KAZN: variants seen among roughly 807,000 people sequenced by gnomAD.
KAZN encodes kazrin, periplakin interacting protein, also known as kazrin.
Under a neutral mutation model 87.4 loss-of-function variants are expected in KAZN, and 40 were observed. That is an observed-to-expected ratio of 0.46 (90% CI 0.36 to 0.60). The LOEUF is 0.60. Among genes scored for constraint, KAZN ranks in the 20% least tolerant of loss-of-function variants. The pLI is 0.00. For missense variants in KAZN, 898 were observed against 1,073.9 expected (o/e 0.84, Z 2.29); for synonymous variants, 466 against 458.3 (o/e 1.02, Z -0.22).
At chr1:14,791,159 C>A (rs980237589) in intron 1 of KAZN, among the ~76,000 whole-genome samples, 1 of 152,214 alleles carries the variant, frequency 6.6e-6, no homozygotes, top group Non-Finnish European at 1.5e-5. Context: ...AACTCCTGTT[C>A]CTCTTTGAAC....
rs1199211988 is a variant in KAZN at position 14,548,198 on chromosome 1, ATTTTTTTT to A, written c.250-50774_250-50767del. On this transcript the variant is annotated intron_variant, in intron 2 of 16. Transcript: ENST00000636203. ...TTTTCAATGCTTTTCCTCTTCGTGC[ATTTTTTTT>A]TTTTTTTTTTGAGACAGAGTCTTGC... Among the ~76,000 whole-genome samples the A allele has an allele frequency of 9.5e-3, 1,263 of 132,940 alleles. 28 individuals are homozygous for A. The highest frequency in any genetic ancestry group is 0.033 in the African/African-American group (1,183 of 35,744). 87.2% of individuals were successfully genotyped at this position (132,940 alleles called of 152,430 possible). A position where few individuals can be genotyped will look rare whatever the true frequency, so the allele number is the denominator to read the frequency against.
chr1:14,724,433 T>G (rs1028500125), intron 1 of KAZN, among the ~76,000 whole-genome samples: 1 of 152,200 alleles, frequency 6.6e-6, no homozygotes, highest in Non-Finnish European at 1.5e-5. Context: ...ACCACCTTTT[T>G]TGTGGCCTTA....
intron 2 of KAZN, among the ~76,000 whole-genome samples, chr1:14,979,061 T>A (rs568846160): frequency 6.6e-6 from 1 of 151,188 alleles, no homozygotes; most frequent in South Asian, 2.1e-4. Flanking sequence ...CCTGCCACCA[T>A]GCCCAGCTAA....
chr1:14,645,205 C>T (rs1011221178), intron 1 of KAZN, among the ~76,000 whole-genome samples: 2 of 152,076 alleles, frequency 1.3e-5, no homozygotes. Flanking sequence ...TTACTGTAGC[C>T]TTGTAGTATA....
intron 2 of KAZN, among the ~76,000 whole-genome samples, chr1:14,524,650 C>T (rs1267998903): frequency 3.9e-5 from 6 of 152,174 alleles, no homozygotes; most frequent in African/African-American, 1.4e-4. Context: ...TGTCAGTCTG[C>T]CACGACTGTG....
At chr1:14,002,074 A>G (rs1022771400) in intron 1 of KAZN, among the ~76,000 whole-genome samples, 2 of 152,236 alleles carry the variant, frequency 1.3e-5, no homozygotes, top group African/African-American at 4.8e-5. Flanking sequence ...AACCTACAGA[A>G]TGGGAAAAAA....
chr1:14,289,723 A>G (rs984162938), intron 2 of KAZN, among the ~76,000 whole-genome samples: 1 of 152,150 alleles, frequency 6.6e-6, no homozygotes, highest in Admixed American at 6.5e-5. Context: ...TCCTGTCATT[A>G]TGATGTTAGC....
At chr1:14,320,795 A>G (rs1157713131) in intron 2 of KAZN, among the ~76,000 whole-genome samples, 1 of 152,218 alleles carries the variant, frequency 6.6e-6, no homozygotes, top group East Asian at 1.9e-4. Context: ...GCTTCCAGCT[A>G]CAAAGTCATG....
intron 1 of KAZN, among the ~76,000 whole-genome samples, chr1:14,910,724 G>A (rs1657160717): frequency 1.3e-5 from 2 of 152,182 alleles, no homozygotes; most frequent in African/African-American, 4.8e-5. Context: ...AAGATGGCCG[G>A]CATGCTGAGC....
At chr1:13,937,665 T>C (rs12036239) in intron 1 of KAZN, among the ~76,000 whole-genome samples, 2,492 of 152,256 alleles carry the variant, frequency 0.016, 63 homozygotes, top group African/African-American at 0.055. Context: ...TCAGGTCTTA[T>C]ATTTAAGTCT....
chr1:13,999,215 G>T (rs950662225), intron 1 of KAZN, among the ~76,000 whole-genome samples: 2 of 152,116 alleles, frequency 1.3e-5, no homozygotes, highest in African/African-American at 4.8e-5. Context: ...TGGGTGTGGT[G>T]GTGTGCACCT....
intron 1 of KAZN, among the ~76,000 whole-genome samples, chr1:13,898,428 G>A (rs12086342): frequency 0.17 from 26,381 of 152,186 alleles, 2,894 homozygotes; most frequent in Admixed American, 0.35. Flanking sequence ...GCTAAGTTGC[G>A]CGTGTGTTAC....
Position 15,103,030 on chromosome 1 carries a change from G to A in KAZN, c.1780-329G>A, listed in dbSNP as rs188077014. ...AATCCCAGCACTCTGGGAGGCCAGGGTGGGTGGATCACAAACAAGGTCAGG... is the reference window on the plus strand; with the variant it reads ...AATCCCAGCACTCTGGGAGGCCAGGATGGGTGGATCACAAACAAGGTCAGG... On this transcript the variant is annotated intron_variant, in intron 11 of 14. Coordinates refer to ENST00000376030, the MANE Select transcript of KAZN (RefSeq NM_201628.3). 5.5e-4 allele frequency among the ~76,000 whole-genome samples: 84 copies of A among 152,372 alleles called. No homozygotes were observed. In the East Asian group the frequency reaches 0.016, roughly 29 times the overall value.
intron 2 of KAZN, among the ~76,000 whole-genome samples, chr1:15,029,407 G>C (rs972993255): frequency 1.3e-5 from 2 of 152,214 alleles, no homozygotes; most frequent in African/African-American, 4.8e-5. Flanking sequence ...AAAGGCACAG[G>C]CTCAGCTCTT....
At chr1:14,358,799 T>C (rs1659257495) in intron 2 of KAZN, among the ~76,000 whole-genome samples, 2 of 152,352 alleles carry the variant, frequency 1.3e-5, no homozygotes, top group African/African-American at 4.8e-5. Flanking sequence ...CTGTTTGTTA[T>C]GATTTCTGTT....
chr1:14,907,950 C>T (rs1656797592), intron 1 of KAZN, among the ~76,000 whole-genome samples: 1 of 152,222 alleles, frequency 6.6e-6, no homozygotes, highest in African/African-American at 2.4e-5. Context: ...CTTTGCTATG[C>T]CAACCCAGAC....
chr1:14,548,054 T>C (rs1399168999), intron 2 of KAZN, among the ~76,000 whole-genome samples: 1 of 145,312 alleles, frequency 6.9e-6, no homozygotes, highest in Admixed American at 6.8e-5. Context: ...AAAAAAAAAA[T>C]TGCAAATTGC....
intron 1 of KAZN, among the ~76,000 whole-genome samples, chr1:14,956,771 G>A (rs11580444): frequency 0.082 from 12,444 of 152,094 alleles, 1,670 homozygotes; most frequent in African/African-American, 0.28. Flanking sequence ...AGTATTGATC[G>A]AGAGGAGAAA....
At chr1:14,720,684 G>A (rs1303324414) in intron 1 of KAZN, among the ~76,000 whole-genome samples, 1 of 151,924 alleles carries the variant, frequency 6.6e-6, no homozygotes, top group Non-Finnish European at 1.5e-5. Flanking sequence ...CGCTCACATC[G>A]GCAGGCTTTC....
Sources: allele counts gnomAD v4.1 joint callset (sites outside exome capture counted in the v4.1 genomes callset), GRCh38; gene constraint gnomAD v4.1.1; transcripts MANE v1.5; gene names NCBI Gene and HGNC (gene_info 2026-07-23, HGNC 2026-07-21).